Variants in ACSS3 observed in about 807,000 individuals in gnomAD.
The protein encoded by ACSS3 is acyl-CoA synthetase short-chain family member 3, mitochondrial.
Under a neutral mutation model 84.2 loss-of-function variants are expected in ACSS3, and 64 were observed. That is an observed-to-expected ratio of 0.76 (90% CI 0.62 to 0.94). The LOEUF is 0.94. ACSS3 is among the 40% of genes least tolerant of loss of function. ACSS3 has a pLI of 0.00. For missense variants in ACSS3, 815 were observed against 867.6 expected (o/e 0.94, Z 0.76); for synonymous variants, 317 against 310.1 (o/e 1.02, Z -0.23).
intron 8 of ACSS3, among the ~76,000 whole-genome samples, chr12:81,175,467 A>G (rs1034447927): frequency 4.6e-5 from 7 of 152,188 alleles, no homozygotes; most frequent in Admixed American, 2.6e-4. Context: ...ATTGAGGCAG[A>G]AAACTAACAA....
chr12:81,208,041 A>G (rs1010618207), intron 9 of ACSS3, among the ~76,000 whole-genome samples: 7 of 152,040 alleles, frequency 4.6e-5, no homozygotes, highest in African/African-American at 7.2e-5. Flanking sequence ...GATTACATTG[A>G]TTTTCTTTCA....
chr12:81,143,102 T>G lies in ACSS3; in HGVS notation c.781-5T>G. On this transcript the variant is annotated splice_region_variant and splice_polypyrimidine_tract_variant and intron_variant, in intron 4 of 15. Coordinates refer to ENST00000548058, the MANE Select transcript of ACSS3 (RefSeq NM_024560.4). Reference sequence around the variant, plus strand: ...AGTACATATTCTTATATTTTTGCTGTGTAGGAGGCGGTTCCTTTGGCTCCC... The same window carrying G: ...AGTACATATTCTTATATTTTTGCTGGGTAGGAGGCGGTTCCTTTGGCTCCC... 1 of 1,610,930 alleles carries G rather than the reference T, an allele frequency of 6.2e-7. No individual in the cohort carries two copies. The highest frequency in any genetic ancestry group is 8.5e-7 in the Non-Finnish European group (1 of 1,177,938).
In ACSS3 at chr12:81,136,264, A is replaced by G. The variant is rs565423144; in HGVS notation, c.645+1260A>G. Reference sequence around the variant, plus strand: ...CTATGAATTTAGTGCAGGAGTTAGAAAAATTTTAATGGTAATTGACCAGAT... The same window carrying G: ...CTATGAATTTAGTGCAGGAGTTAGAGAAATTTTAATGGTAATTGACCAGAT... On this transcript the variant is annotated intron_variant, in intron 3 of 15. Coordinates refer to ENST00000548058, the MANE Select transcript of ACSS3 (RefSeq NM_024560.4). Among the ~76,000 whole-genome samples, 4 of 152,300 alleles carry G rather than the reference A, an allele frequency of 2.6e-5. No individual in the cohort carries two copies. The South Asian group carries it at 8.3e-4, about 32-fold the overall frequency.
intron 1 of ACSS3, among the ~76,000 whole-genome samples, chr12:81,099,584 G>C (rs938076732): frequency 4.6e-5 from 7 of 152,136 alleles, no homozygotes; most frequent in Non-Finnish European, 8.8e-5. Flanking sequence ...ATTGGAATGG[G>C]AGAGGATGGT....
chr12:81,083,358 C>CTTTT (rs111641450), intron 1 of ACSS3, among the ~76,000 whole-genome samples: 2,565 of 140,182 alleles, frequency 0.018, 131 homozygotes, highest in African/African-American at 0.032. Context: ...AGCTTTTGGT[C>CTTTT]TTTTTTTTTT....
chr12:81,178,142 T>G (rs1055520136), intron 8 of ACSS3, among the ~76,000 whole-genome samples: 2 of 151,394 alleles, frequency 1.3e-5, no homozygotes, highest in Admixed American at 6.6e-5. Context: ...CCATAAAAAA[T>G]GATGAGTTCA....
intron 5 of ACSS3, among the ~76,000 whole-genome samples, chr12:81,149,545 A>G (rs1185964278): frequency 6.6e-6 from 1 of 152,336 alleles, no homozygotes; most frequent in East Asian, 1.9e-4. Flanking sequence ...CAGAAATTTG[A>G]AACTGTATTA....
chr12:81,218,034 A>G (rs1483321894), intron 10 of ACSS3, among the ~76,000 whole-genome samples: 1 of 152,184 alleles, frequency 6.6e-6, no homozygotes, highest in Non-Finnish European at 1.5e-5. Flanking sequence ...TATAAATTAT[A>G]CAAGTCACAT....
chr12:81,237,799 T>C (rs553732884), intron 13 of ACSS3, among the ~76,000 whole-genome samples: 8 of 151,914 alleles, frequency 5.3e-5, no homozygotes, highest in African/African-American at 1.9e-4. Context: ...ATCTTCTTTC[T>C]CAGTCTGTAT....
At chr12:81,142,043 T>G (rs1040159685) in intron 4 of ACSS3, among the ~76,000 whole-genome samples, 2 of 152,242 alleles carry the variant, frequency 1.3e-5, no homozygotes, top group African/African-American at 4.8e-5. Flanking sequence ...TTTAAATATA[T>G]GAACAGTTTT....
chr12:81,205,386 G>A (rs1336091915), intron 9 of ACSS3, among the ~76,000 whole-genome samples: 2 of 152,032 alleles, frequency 1.3e-5, no homozygotes, highest in Admixed American at 6.6e-5. Context: ...GAGGTTGATC[G>A]AATTTAATCC....
intron 1 of ACSS3, among the ~76,000 whole-genome samples, chr12:81,083,512 C>A (rs1304913598): frequency 6.6e-6 from 1 of 152,018 alleles, no homozygotes; most frequent in African/African-American, 2.4e-5. Flanking sequence ...TGTGCACCAC[C>A]ACACCCAACT....
intron 1 of ACSS3, among the ~76,000 whole-genome samples, chr12:81,093,277 C>A (rs1167064810): frequency 6.6e-6 from 1 of 151,916 alleles, no homozygotes; most frequent in East Asian, 1.9e-4. Context: ...TGGTGAGACC[C>A]CATCTCTACT....
intron 10 of ACSS3, among the ~76,000 whole-genome samples, chr12:81,217,971 C>T (rs190148989): frequency 2.6e-5 from 4 of 152,212 alleles, no homozygotes; most frequent in Admixed American, 2.6e-4. Flanking sequence ...TTTAAATTTA[C>T]AGTAGTAACC....
chr12:81,185,463 G>A (rs12830912), intron 8 of ACSS3, among the ~76,000 whole-genome samples: 67,297 of 151,426 alleles, frequency 0.44, 15,583 homozygotes, highest in Non-Finnish European at 0.51. Context: ...CCACAAAAAC[G>A]TTATTACTAA....
intron 15 of ACSS3, among the ~76,000 whole-genome samples, chr12:81,254,248 G>C (rs1445426025): frequency 6.6e-6 from 1 of 152,024 alleles, no homozygotes; most frequent in African/African-American, 2.4e-5. Context: ...TTTTCTCTTA[G>C]TAATTGTCAG....
intron 8 of ACSS3, among the ~76,000 whole-genome samples, chr12:81,182,450 G>T (rs559668758): frequency 2.0e-5 from 3 of 152,090 alleles, no homozygotes; most frequent in Non-Finnish European, 2.9e-5. Flanking sequence ...ACATACAAAA[G>T]TATAAAACTT....
At chr12:81,079,115 C>A (rs1272163517) in intron 1 of ACSS3, among the ~76,000 whole-genome samples, 1 of 151,936 alleles carries the variant, frequency 6.6e-6, no homozygotes, top group East Asian at 1.9e-4. Context: ...TATGGGGTAC[C>A]CAGAAAGAAT....
At chr12:81,119,371 G>A (rs1044633951) in intron 2 of ACSS3, among the ~76,000 whole-genome samples, 2 of 152,134 alleles carry the variant, frequency 1.3e-5, no homozygotes, top group Non-Finnish European at 2.9e-5. Flanking sequence ...GTATTGTCTT[G>A]ATAAACATCT....
Sources: allele counts gnomAD v4.1 joint callset (sites outside exome capture counted in the v4.1 genomes callset), GRCh38; gene constraint gnomAD v4.1.1; transcripts MANE v1.5; gene names NCBI Gene and HGNC (gene_info 2026-07-23, HGNC 2026-07-21).